The following RBM26 variants were observed in gnomAD, a reference collection of about 807,000 sequenced individuals.
RBM26 encodes RNA binding motif protein 26.
In RBM26, 30 loss-of-function variants were observed where a neutral mutation model predicts 123.6. That is an observed-to-expected ratio of 0.24 (90% confidence interval 0.18 to 0.33). The LOEUF (loss-of-function observed/expected upper bound fraction) is 0.33. Ranked by LOEUF, RBM26 falls within the 10% of genes least tolerant of loss-of-function variation. RBM26 has a pLI of 1.00. For synonymous variants in RBM26, 400 were observed against 404.4 expected, an observed-to-expected ratio of 0.99 and a Z score of 0.13; for missense variants, 947 against 1,203.6, an observed-to-expected ratio of 0.79 and a Z score of 3.15.
chr13:79,366,018 T>C (rs776808983), intron 8 of RBM26, 37 bp downstream of exon 8: 2 of 1,471,214 alleles, frequency 1.4e-6, no homozygotes, highest in South Asian at 2.3e-5. Flanking sequence ...TCTAAAACTG[T>C]GTTACATTAC....
At chr13:79,344,621 A>G (rs2071987670) in intron 15 of RBM26, 48 bp downstream of exon 15, 1 of 1,541,252 alleles carries the variant, frequency 6.5e-7, no homozygotes, top group Non-Finnish European at 8.9e-7. Context: ...ACACAAGGAA[A>G]GCTTTCCTAT....
At position 79,341,236 on chromosome 13, in the gene RBM26, T is replaced by C. The variant is rs545536129; in HGVS notation, c.2428-9A>G. On this transcript the variant is annotated splice_polypyrimidine_tract_variant and intron_variant, in intron 17 of 21. Transcript: ENST00000438737. ...AGTAATTCCTTCTGCATCTAAAAAA[T>C]AGTAATTAATATTTTAGGTGACAGT... 6 of 1,557,670 alleles carry C rather than the reference T, an allele frequency of 3.9e-6. No homozygotes were observed. Among genetic ancestry groups the C allele is most frequent in the African/African-American group, 1.4e-5 (1 of 73,608 alleles).
chr13:79,364,116 T>C (rs564922477), intron 9 of RBM26, among the ~76,000 whole-genome samples: 1 of 119,946 alleles, frequency 8.3e-6, no homozygotes, highest in African/African-American at 3.3e-5. Flanking sequence ...ACATACAAGC[T>C]GTTAAAAAAA....
chr13:79,380,271 G>C (rs1276117990), intron 1 of RBM26, among the ~76,000 whole-genome samples: 1 of 152,002 alleles, frequency 6.6e-6, no homozygotes, highest in Non-Finnish European at 1.5e-5. Context: ...AAGATAAAAA[G>C]ACAGGTAATG....
chr13:79,364,580 C>A (rs2075059404), intron 9 of RBM26, among the ~76,000 whole-genome samples: 1 of 152,126 alleles, frequency 6.6e-6, no homozygotes, highest in South Asian at 2.1e-4. Flanking sequence ...CTTCATTTCC[C>A]TATATCAAAT....
At chr13:79,351,923 G>A (rs764138798) in intron 14 of RBM26, among the ~76,000 whole-genome samples, 5 of 152,164 alleles carry the variant, frequency 3.3e-5, no homozygotes, top group African/African-American at 4.8e-5. Context: ...GGAACTGAAG[G>A]TGGCAGAAAA....
intron 1 of RBM26, among the ~76,000 whole-genome samples, chr13:79,389,046 A>G (rs1379206246): frequency 6.6e-6 from 1 of 152,214 alleles, no homozygotes. Context: ...AAGATTTTAT[A>G]AATTTTTTTA....
intron 20 of RBM26, among the ~76,000 whole-genome samples, chr13:79,323,563 T>C (rs1276883593): frequency 6.6e-6 from 1 of 151,598 alleles, no homozygotes; most frequent in Non-Finnish European, 1.5e-5. Flanking sequence ...TATCATATTC[T>C]ATAAGGAATT....
chr13:79,371,855 A>T lies in RBM26; in HGVS notation c.403T>A (p.Tyr135Asn). 1 of 1,607,926 alleles carries T rather than the reference A, an allele frequency of 6.2e-7. No individual in the cohort carries two copies. Among genetic ancestry groups the T allele is most frequent in the Non-Finnish European group, 8.5e-7 (1 of 1,174,592 alleles). The change falls in exon 4 of 22, where the codon TAC (tyrosine) becomes AAC (asparagine). Residue 135 changes from tyrosine (Y) to asparagine (N), a missense_variant. Coordinates refer to ENST00000438737, the MANE Select transcript of RBM26 (RefSeq NM_001366735.2). ...NHSPPQSSSR[Y>N]RENRSRDERK... ...TGAACTGCTCACCTATTTTCCCTGT[A>T]TCGGGAGCTTGACTGGGGAGGACTG...
chr13:79,326,256 CTT>C (rs1246853467), intron 20 of RBM26, among the ~76,000 whole-genome samples: 5 of 152,162 alleles, frequency 3.3e-5, no homozygotes, highest in African/African-American at 1.2e-4. Context: ...ATGCAAATAA[CTT>C]TTTAAAGTAT....
intron 19 of RBM26, among the ~76,000 whole-genome samples, chr13:79,335,775 C>T (rs974005689): frequency 6.6e-6 from 1 of 152,136 alleles, no homozygotes; most frequent in Admixed American, 6.5e-5. Flanking sequence ...CTCACTTTGT[C>T]TGTTTGGATT....
At chr13:79,359,476 C>A in intron 10 of RBM26, 99 bp downstream of exon 10, 1 of 627,484 alleles carries the variant, frequency 1.6e-6, no homozygotes, top group East Asian at 3.3e-5. Context: ...AACAGAGTAA[C>A]ATTTTTGGAA....
At position 79,392,195 on chromosome 13, in the gene RBM26, TTATATATTA is replaced by T. The variant is rs1237467325; in HGVS notation, c.72-13297_72-13289del. Among the ~76,000 whole-genome samples, 19 of 91,078 alleles carry T rather than the reference TTATATATTA, an allele frequency of 2.1e-4. 1 individual carries two copies. In the East Asian group the frequency reaches 6.8e-3, roughly 33 times the overall value. 59.8% of individuals were successfully genotyped at this position (91,078 alleles called of 152,430 possible). ...ACAATAATACATAATTATTATATAA[TTATATATTA>T]TACAATAATACATAATTATTATATA... On this transcript the variant is annotated intron_variant, in intron 1 of 21. Coordinates refer to ENST00000438737, the MANE Select transcript of RBM26 (RefSeq NM_001366735.2).
rs149338300 is a variant in RBM26 at position 79,367,572 on chromosome 13, T to C, written c.896-700A>G. Among the ~76,000 whole-genome samples, 714 of 151,928 alleles carry C rather than the reference T, an allele frequency of 4.7e-3. 4 individuals carry two copies. The highest frequency in any genetic ancestry group is 0.017 in the Middle Eastern group (5 of 294). ...AGGTAACAAGTGAGTTCGCCCTCTA[T>C]TAGTTCACAGGAGCTGGTTGTTTAA... On this transcript the variant is annotated intron_variant, in intron 6 of 21. Coordinates refer to ENST00000438737, the MANE Select transcript of RBM26 (RefSeq NM_001366735.2).
Position 79,342,690 on chromosome 13 carries a change from G to C in RBM26, c.2401C>G (p.Pro801Ala), listed in dbSNP as rs2071617555. The C allele has an allele frequency of 6.2e-7, 1 of 1,608,228 alleles. No homozygotes were observed. Among genetic ancestry groups the C allele is most frequent in the African/African-American group, 1.3e-5 (1 of 74,586 alleles). The change falls in exon 17 of 22, where the codon CCA becomes GCA. Residue 801 changes from proline (P) to alanine (A), a missense_variant. Pro to Ala is a conservative substitution (Grantham distance 27). Transcript: ENST00000438737. Reference protein sequence around the residue: ...VKAASPGRCLPKSIKTKTQMQ... With the variant: ...VKAASPGRCLAKSIKTKTQMQ... ...TGAGTCTTGGTTTTTATACTTTTTGGAAGACAGCGTCCAGGAGAAGCAGCT... is the reference window on the plus strand; with the variant it reads ...TGAGTCTTGGTTTTTATACTTTTTGCAAGACAGCGTCCAGGAGAAGCAGCT...
At chr13:79,372,012 G>T in intron 3 of RBM26, 82 bp from the exon 4 acceptor site, 2 of 1,010,570 alleles carry the variant, frequency 2.0e-6, no homozygotes, top group Non-Finnish European at 1.5e-6. Context: ...TGGGCACAGT[G>T]GTTCATGCCT....
chr13:79,347,970 C>T (rs1019375265), intron 14 of RBM26, among the ~76,000 whole-genome samples: 4 of 152,008 alleles, frequency 2.6e-5, no homozygotes, highest in African/African-American at 9.7e-5. Context: ...TCCTCCTTTG[C>T]AGAGTGTTTA....
chr13:79,371,946 A>C lies in RBM26; in HGVS notation c.328-16T>G. 1 of 1,548,504 alleles carries C rather than the reference A, an allele frequency of 6.5e-7. No individual in the cohort carries two copies. Among genetic ancestry groups the C allele is most frequent in the South Asian group, 1.1e-5 (1 of 89,254 alleles). On this transcript the variant is annotated splice_polypyrimidine_tract_variant and intron_variant, in intron 3 of 21. Transcript: ENST00000438737. The stretch of plus-strand genomic sequence containing the variant: ...CCTTAGTGATCTGATTAAAAAAAAA[A>C]AAAAAAGTGTACAAGTTTAGTAATT...
In RBM26 at chr13:79,371,455, C is replaced by T. The variant is rs544909406; in HGVS notation, c.417-293G>A. 3.3e-5 allele frequency among the ~76,000 whole-genome samples: 5 copies of T among 152,034 alleles called. No homozygotes were observed. The East Asian group carries it at 5.8e-4, about 18-fold the overall frequency. On this transcript the variant is annotated intron_variant, in intron 4 of 21. Coordinates refer to ENST00000438737, the MANE Select transcript of RBM26 (RefSeq NM_001366735.2). ...AGAGTACATATAGAACATACTATCC[C>T]GTACATATAATCTCACTTACAGACA...
Sources: gnomAD v4.1 joint callset for allele counts (sites outside exome capture counted in the v4.1 genomes callset) on GRCh38, gnomAD v4.1.1 for gene constraint, MANE v1.5 for transcripts, NCBI Gene and HGNC (gene_info 2026-07-23, HGNC 2026-07-21) for gene names.